The following PCDHA11 variants were observed in gnomAD, a reference collection of about 807,000 sequenced individuals.
The protein encoded by PCDHA11 is protocadherin alpha 11, also known as protocadherin alpha-11.
Under a neutral mutation model 70.3 loss-of-function variants are expected in PCDHA11, and 61 were observed. The observed-to-expected ratio is 0.87, with a 90% CI of 0.71 to 1.07. The LOEUF is 1.07. PCDHA11 is among the 50% of genes least tolerant of loss of function. PCDHA11 has a pLI of 0.00. For synonymous variants in PCDHA11, 633 were observed against 555.1 expected (o/e 1.14, Z -1.97); for missense variants, 1,324 against 1,237.5 (o/e 1.07, Z -1.05).
At chr5:140,957,689 A>G (rs2095375568) in intron 1 of PCDHA11, among the ~76,000 whole-genome samples, 1 of 152,234 alleles carries the variant, frequency 6.6e-6, no homozygotes. Flanking sequence ...TATCTAGACA[A>G]TGAACATTAT....
chr5:140,901,440 G>C (rs187310877), intron 1 of PCDHA11, among the ~76,000 whole-genome samples: 22 of 152,214 alleles, frequency 1.4e-4, no homozygotes, highest in Admixed American at 5.2e-4. Flanking sequence ...TGGATATCTA[G>C]TTTCCCAGCA....
intron 1 of PCDHA11, among the ~76,000 whole-genome samples, chr5:140,957,345 A>G (rs1375707193): frequency 6.6e-6 from 1 of 152,170 alleles, no homozygotes; most frequent in Admixed American, 6.5e-5. Flanking sequence ...ATTTTGAGAG[A>G]GAGACCACAT....
At chr5:140,985,044 T>G (rs183944640) in intron 3 of PCDHA11, among the ~76,000 whole-genome samples, 1 of 152,158 alleles carries the variant, frequency 6.6e-6, no homozygotes, top group Admixed American at 6.5e-5. Flanking sequence ...TTCAAGTGAT[T>G]CTCCTGCCTC....
chr5:140,929,461 C>A, intron 1 of PCDHA11: 1 of 1,314,566 alleles, frequency 7.6e-7, no homozygotes, highest in Non-Finnish European at 1.0e-6. Context: ...CTTCCTGTGC[C>A]AAGAAATCTG....
intron 1 of PCDHA11, among the ~76,000 whole-genome samples, chr5:140,906,677 A>C (rs1239152358): frequency 6.6e-6 from 1 of 152,134 alleles, no homozygotes; most frequent in Admixed American, 6.5e-5. Context: ...CCAAACCTTC[A>C]TTCCTGAAGG....
chr5:141,007,517 G>A (rs2098333696), intron 3 of PCDHA11, among the ~76,000 whole-genome samples: 1 of 151,984 alleles, frequency 6.6e-6, no homozygotes, highest in African/African-American at 2.4e-5. Flanking sequence ...GCAGTGAGCT[G>A]ATATCTCGCC....
chr5:140,924,902 A>AAT (rs2082141904), intron 1 of PCDHA11, among the ~76,000 whole-genome samples: 1 of 39,026 alleles, frequency 2.6e-5, no homozygotes, highest in African/African-American at 7.6e-5. Flanking sequence ...CTCAAAAAAA[A>AAT]AAATAAAATA....
chr5:140,936,435 TTAAA>T (rs1554210994), intron 1 of PCDHA11, among the ~76,000 whole-genome samples: 2 of 152,222 alleles, frequency 1.3e-5, no homozygotes, highest in African/African-American at 4.8e-5. Flanking sequence ...TAATTTAAGC[TTAAA>T]TAACCACATC....
chr5:140,988,871 A>T (rs1319139244), intron 3 of PCDHA11: 1 of 152,208 alleles, frequency 6.6e-6, no homozygotes, highest in Non-Finnish European at 1.5e-5. Context: ...GTGCACTCAG[A>T]TGTACGATCC....
At chr5:140,967,051 G>T in intron 1 of PCDHA11, 12 of 1,612,562 alleles carry the variant, frequency 7.4e-6, no homozygotes, top group Non-Finnish European at 9.3e-6. Context: ...TGGACCTGAC[G>T]AGTGGAGCGC....
At chr5:140,985,648 C>G (rs185772569) in intron 3 of PCDHA11, among the ~76,000 whole-genome samples, 17 of 152,092 alleles carry the variant, frequency 1.1e-4, no homozygotes, top group African/African-American at 4.1e-4. Flanking sequence ...CCAACACTTG[C>G]AATGGCTGAA....
chr5:141,009,452 TAAAC>T (rs1226554195), intron 3 of PCDHA11, among the ~76,000 whole-genome samples, 171 bp from the exon 4 acceptor site: 1 of 152,120 alleles, frequency 6.6e-6, no homozygotes, highest in Non-Finnish European at 1.5e-5. Flanking sequence ...TCAAAAAAAT[TAAAC>T]AAATAAATAA....
chr5:140,883,850 C>G (rs369951260), intron 1 of PCDHA11: 31 of 1,612,792 alleles, frequency 1.9e-5, no homozygotes, highest in African/African-American at 4.0e-5. Flanking sequence ...CCACGAGGAG[C>G]TGGAGCTGTT....
At position 141,010,305 on chromosome 5, in the gene PCDHA11, G is replaced by GT; in HGVS notation, c.*372dup. 1 of 1,548,478 alleles carries GT rather than the reference G, an allele frequency of 6.5e-7. No homozygotes were observed. Among genetic ancestry groups the GT allele is most frequent in the Non-Finnish European group, 8.7e-7 (1 of 1,146,036 alleles). On this transcript the variant is annotated 3_prime_UTR_variant, in exon 4 of 4. Transcript: ENST00000398640. ...TGACACTTGCAGGGCAGGCTGAAAAGTTTTGAGATTGAGCAGCTTGGGAGT... is the reference window on the plus strand; with the variant it reads ...TGACACTTGCAGGGCAGGCTGAAAAGTTTTTGAGATTGAGCAGCTTGGGAGT...
chr5:140,917,439 G>T (rs1437451173), intron 1 of PCDHA11, among the ~76,000 whole-genome samples: 1 of 151,364 alleles, frequency 6.6e-6, no homozygotes, highest in Non-Finnish European at 1.5e-5. Flanking sequence ...TTTTGTTTTT[G>T]CTGCAAGAGC....
At chr5:140,999,784 T>C (rs1176844844) in intron 3 of PCDHA11, among the ~76,000 whole-genome samples, 1 of 152,202 alleles carries the variant, frequency 6.6e-6, no homozygotes, top group African/African-American at 2.4e-5. Context: ...AACCTAGAAA[T>C]GGCAGAGTTA....
At chr5:140,897,610 C>T (rs1439314706) in intron 1 of PCDHA11, among the ~76,000 whole-genome samples, 2 of 152,078 alleles carry the variant, frequency 1.3e-5, no homozygotes, top group East Asian at 1.9e-4. Context: ...TGGGTTGGTT[C>T]CAAGTCTTTA....
At chr5:140,928,641 G>A in intron 1 of PCDHA11, 1 of 1,614,196 alleles carries the variant, frequency 6.2e-7, no homozygotes, top group Non-Finnish European at 8.5e-7. Context: ...TCACAAAAGT[G>A]GTAGCAGAGG....
At chr5:140,918,515 T>C (rs1000500676) in intron 1 of PCDHA11, among the ~76,000 whole-genome samples, 1 of 152,224 alleles carries the variant, frequency 6.6e-6, no homozygotes, top group African/African-American at 2.4e-5. Flanking sequence ...TTTAAACTTA[T>C]TGAGGATTGT....
Sources: allele counts gnomAD v4.1 joint callset (sites outside exome capture counted in the v4.1 genomes callset), GRCh38; gene constraint gnomAD v4.1.1; transcripts MANE v1.5; gene names NCBI Gene and HGNC (gene_info 2026-07-23, HGNC 2026-07-21).